Variants in LCE2B observed in about 807,000 individuals in gnomAD.
The protein encoded by LCE2B is late cornified envelope 2B, also known as late cornified envelope protein 2B.
For synonymous variants in LCE2B, 69 were observed against 52.0 expected (o/e 1.33, Z -1.40); for missense variants, 175 against 141.6 (o/e 1.24, Z -1.20).
chr1:152,686,890 G>A lies in LCE2B; in HGVS notation c.47G>A (p.Cys16Tyr), dbSNP rs1649151738. 1.2e-6 allele frequency: 2 copies of A among 1,614,118 alleles called. No homozygotes were observed. Among genetic ancestry groups the A allele is most frequent in the African/African-American group, 2.7e-5 (2 of 75,020 alleles). Residue 16 changes from cysteine to tyrosine, a missense_variant, in exon 2 of 2, where the codon TGT (cysteine) becomes TAT (tyrosine). Transcript: ENST00000368780. ...CAGCAGTGCCAGCCCCCTCCCAAGT[G>A]TCCTCCCAAGTGTACCCCAAAATGT... ...NQQQCQPPPK[C>Y]PPKCTPKCPP...
chr1:152,686,825 T>C lies in LCE2B; in HGVS notation c.-19T>C, dbSNP rs1349660135. 1.2e-6 allele frequency: 2 copies of C among 1,613,700 alleles called. No individual in the cohort carries two copies. The highest frequency in any genetic ancestry group is 1.7e-6 in the Non-Finnish European group (2 of 1,179,840). On this transcript the variant is annotated splice_region_variant and 5_prime_UTR_variant, in exon 2 of 2. Transcript: ENST00000368780. ...AAGAGTTTCATTATTATCTTTCAGGTTGACTAAACTCTGCCAGGATGTCTT... is the reference window on the plus strand; with the variant it reads ...AAGAGTTTCATTATTATCTTTCAGGCTGACTAAACTCTGCCAGGATGTCTT...
Position 152,687,104 on chromosome 1 carries a change from G to A in LCE2B, c.261G>A (p.Gln87=), listed in dbSNP as rs1649163535. ...RPRLFHRRRH[Q]SPDCCESEPS... is the part of the protein sequence containing the mutation. Reference sequence around the variant, plus strand: ...GTCTCTTCCACCGGCGCCGGCACCAGAGCCCCGACTGCTGTGAGAGTGAAC... The same window carrying A: ...GTCTCTTCCACCGGCGCCGGCACCAAAGCCCCGACTGCTGTGAGAGTGAAC... Residue 87 remains glutamine (Q), a synonymous_variant, in exon 2 of 2, where the codon CAG becomes CAA. Transcript: ENST00000368780. The A allele has an allele frequency of 6.2e-7, 1 of 1,613,770 alleles. No individual in the cohort carries two copies. Among genetic ancestry groups the A allele is most frequent in the South Asian group, 1.1e-5 (1 of 91,020 alleles).
chr1:152,686,688 A>G lies in LCE2B; in HGVS notation c.-20-136A>G, dbSNP rs553131864. 4.1e-6 allele frequency: 5 copies of G among 1,211,396 alleles called. No individual in the cohort carries two copies. In the African/African-American group the frequency reaches 4.6e-5, roughly 11 times the overall value. The allele number at this position is 1,211,396 out of a possible 1,614,324, so 75.0% of individuals were successfully genotyped here. A position where few individuals can be genotyped will look rare whatever the true frequency, so the allele number is the denominator to read the frequency against. On this transcript the variant is annotated intron_variant, in intron 1 of 1. Coordinates refer to ENST00000368780, the MANE Select transcript of LCE2B (RefSeq NM_014357.5). Reference sequence around the variant, plus strand: ...TGCTTTTATTTAGAGGAAAGATTCAAGTTGTTTCTTTCAGGTTACTGATGT... The same window carrying G: ...TGCTTTTATTTAGAGGAAAGATTCAGGTTGTTTCTTTCAGGTTACTGATGT...
In LCE2B at chr1:152,687,186, A is replaced by G. The variant is rs1391832608; in HGVS notation, c.*10A>G. The G allele has an allele frequency of 1.9e-6, 3 of 1,609,692 alleles. No individual in the cohort carries two copies. Among genetic ancestry groups the G allele is most frequent in the Admixed American group, 1.7e-5 (1 of 59,288 alleles). On this transcript the variant is annotated 3_prime_UTR_variant, in exon 2 of 2. Coordinates refer to ENST00000368780, the MANE Select transcript of LCE2B (RefSeq NM_014357.5). Reference sequence around the variant, plus strand: ...TGGGGGCTGCTGCTGACCTGGGCTAAGAAGAACTCTTTGGACAGAATGTTT... The same window carrying G: ...TGGGGGCTGCTGCTGACCTGGGCTAGGAAGAACTCTTTGGACAGAATGTTT...
chr1:152,686,972 A>C lies in LCE2B; in HGVS notation c.129A>C (p.Ala43=), dbSNP rs1337796610. The C allele has an allele frequency of 6.2e-7, 1 of 1,612,184 alleles. No homozygotes were observed. Among genetic ancestry groups the C allele is most frequent in the East Asian group, 2.2e-5 (1 of 44,850 alleles). ...AGTGCCCAGCTCCATGTTCCCCTGC[A>C]GTCTCTTCTTGCTGTGGTCCCATCT... ...LPQCPAPCSP[A]VSSCCGPISG... The change falls in exon 2 of 2, where the codon GCA becomes GCC. Residue 43 remains alanine (A), a synonymous_variant. Coordinates refer to ENST00000368780, the MANE Select transcript of LCE2B (RefSeq NM_014357.5).
At chr1:152,686,564 G>A (rs1308967873) in intron 1 of LCE2B, among the ~76,000 whole-genome samples, 1 of 151,988 alleles carries the variant, frequency 6.6e-6, no homozygotes, top group African/African-American at 2.4e-5. Flanking sequence ...GTACTTCATG[G>A]AGTGTGAATA....
intron 1 of LCE2B, 105 bp from the exon 2 acceptor site, chr1:152,686,719 T>C (rs1649144268): frequency 2.1e-6 from 3 of 1,411,026 alleles, no homozygotes; most frequent in Non-Finnish European, 2.9e-6. Flanking sequence ...GATGTGACTG[T>C]ATGATCTAAA....
chr1:152,686,988 G>A lies in LCE2B; in HGVS notation c.145G>A (p.Gly49Ser), dbSNP rs1468675264. ...TTCCCCTGCAGTCTCTTCTTGCTGT[G>A]GTCCCATCTCTGGGGGCTGCTGTGG... ...PCSPAVSSCC[G>S]PISGGCCGPS... The change falls in exon 2 of 2, where the codon GGT (glycine) becomes AGT (serine). Residue 49 changes from glycine to serine, a missense_variant. Physicochemically the swap from Gly to Ser is moderately conservative, Grantham distance 56. Transcript: ENST00000368780. 1.9e-6 allele frequency: 3 copies of A among 1,612,892 alleles called. No homozygotes were observed. The highest frequency in any genetic ancestry group is 3.3e-5 in the Admixed American group (2 of 59,952).
Position 152,687,304 on chromosome 1 carries a change from C to T in LCE2B, c.*128C>T. ...GACCACAAAGACTCATGGGGCTTCC[C>T]TGGGAGAACTTTGCACTTGATGGAG... On this transcript the variant is annotated 3_prime_UTR_variant, in exon 2 of 2. Transcript: ENST00000368780. 1.5e-6 allele frequency: 2 copies of T among 1,373,890 alleles called. No homozygotes were observed. The highest frequency in any genetic ancestry group is 1.5e-5 in the South Asian group (1 of 65,246). 85.1% of individuals were successfully genotyped at this position (1,373,890 alleles called of 1,614,324 possible).
At position 152,687,182 on chromosome 1, in the gene LCE2B, G is replaced by T; in HGVS notation, c.*6G>T. The T allele has an allele frequency of 6.2e-7, 1 of 1,611,216 alleles. No individual in the cohort carries two copies. Among genetic ancestry groups the T allele is most frequent in the Non-Finnish European group, 8.5e-7 (1 of 1,178,736 alleles). On this transcript the variant is annotated 3_prime_UTR_variant, in exon 2 of 2. Coordinates refer to ENST00000368780, the MANE Select transcript of LCE2B (RefSeq NM_014357.5). ...GCTCTGGGGGCTGCTGCTGACCTGG[G>T]CTAAGAAGAACTCTTTGGACAGAAT...
chr1:152,686,819 T>G lies in LCE2B; in HGVS notation c.-20-5T>G. On this transcript the variant is annotated splice_polypyrimidine_tract_variant and splice_region_variant and intron_variant, in intron 1 of 1. Transcript: ENST00000368780. ...TATTTAAAGAGTTTCATTATTATCTTTCAGGTTGACTAAACTCTGCCAGGA... is the reference window on the plus strand; with the variant it reads ...TATTTAAAGAGTTTCATTATTATCTGTCAGGTTGACTAAACTCTGCCAGGA... The G allele has an allele frequency of 1.9e-6, 3 of 1,613,376 alleles. No individual in the cohort carries two copies. Among genetic ancestry groups the G allele is most frequent in the Non-Finnish European group, 2.5e-6 (3 of 1,179,628 alleles).
Position 152,686,831 on chromosome 1 carries a change from A to G in LCE2B, c.-13A>G. The G allele has an allele frequency of 1.2e-6, 2 of 1,613,986 alleles. No homozygotes were observed. Among genetic ancestry groups the G allele is most frequent in the Non-Finnish European group, 1.7e-6 (2 of 1,179,944 alleles). ...TTCATTATTATCTTTCAGGTTGACTAAACTCTGCCAGGATGTCTTGCCAGC... is the reference window on the plus strand; with the variant it reads ...TTCATTATTATCTTTCAGGTTGACTGAACTCTGCCAGGATGTCTTGCCAGC... On this transcript the variant is annotated 5_prime_UTR_variant, in exon 2 of 2. Coordinates refer to ENST00000368780, the MANE Select transcript of LCE2B (RefSeq NM_014357.5).
intron 1 of LCE2B, among the ~76,000 whole-genome samples, chr1:152,686,539 G>C (rs949432475): frequency 6.6e-6 from 1 of 152,000 alleles, no homozygotes; most frequent in African/African-American, 2.4e-5. Context: ...CTTAGGGCTT[G>C]TATTAAGGGA....
chr1:152,686,790 G>T (rs3737860), intron 1 of LCE2B, 34 bp from the exon 2 acceptor site: 170,246 of 1,597,306 alleles, frequency 0.11, 12,041 homozygotes, highest in African/African-American at 0.31. Flanking sequence ...TCCTTGGTTT[G>T]AAATATTTAA....
At chr1:152,686,388 A>AACTTCAAAACTGCTGTGTTGGGC (rs1649132247) in intron 1 of LCE2B, among the ~76,000 whole-genome samples, 1 of 152,146 alleles carries the variant, frequency 6.6e-6, no homozygotes, top group Non-Finnish European at 1.5e-5. Flanking sequence ...TCATGTTGGT[A>AACTTCAAAACTGCTGTGTTGGGC]ACTTCAAAAC....
In LCE2B at chr1:152,687,364, C is replaced by T. The variant is rs1323956124; in HGVS notation, c.*188C>T. On this transcript the variant is annotated 3_prime_UTR_variant, in exon 2 of 2. Transcript: ENST00000368780. ...TGCAGGTTTTGTTTTCCTCCTTTAC[C>T]TCATGTTATAATAAAGCTCTGATTT... 5.2e-6 allele frequency: 4 copies of T among 762,418 alleles called. No homozygotes were observed. The highest frequency in any genetic ancestry group is 2.7e-5 in the East Asian group (1 of 36,370). The allele number at this position is 762,418 out of a possible 1,614,324, so 47.2% of individuals were successfully genotyped here.
Position 152,686,995 on chromosome 1 carries a change from T to A in LCE2B, c.152T>A (p.Ile51Asn). Residue 51 changes from isoleucine (I) to asparagine (N), a missense_variant, in exon 2 of 2, where the codon ATC (isoleucine) becomes AAC (asparagine). By Grantham distance (149) the Ile-to-Asn change is moderately radical. Transcript: ENST00000368780. Reference protein sequence around the residue: ...SPAVSSCCGPISGGCCGPSSG... With the variant: ...SPAVSSCCGPNSGGCCGPSSG... Reference sequence around the variant, plus strand: ...GCAGTCTCTTCTTGCTGTGGTCCCATCTCTGGGGGCTGCTGTGGTCCCAGC... The same window carrying A: ...GCAGTCTCTTCTTGCTGTGGTCCCAACTCTGGGGGCTGCTGTGGTCCCAGC... The A allele has an allele frequency of 6.2e-7, 1 of 1,613,708 alleles. No individual in the cohort carries two copies. Among genetic ancestry groups the A allele is most frequent in the Non-Finnish European group, 8.5e-7 (1 of 1,179,962 alleles).
rs994203389 is a variant in LCE2B, at chr1:152,687,293, A to G, written c.*117A>G. ...GGGTGGACAGCGACCACAAAGACTC[A>G]TGGGGCTTCCCTGGGAGAACTTTGC... is the stretch of plus-strand genomic sequence containing the variant. On this transcript the variant is annotated 3_prime_UTR_variant, in exon 2 of 2. Transcript: ENST00000368780. 1 of 1,434,006 alleles carries G rather than the reference A, an allele frequency of 7.0e-7. No individual in the cohort carries two copies. Among genetic ancestry groups the G allele is most frequent in the Non-Finnish European group, 9.3e-7 (1 of 1,073,674 alleles). 88.8% of individuals were successfully genotyped at this position (1,434,006 alleles called of 1,614,324 possible).
In LCE2B at chr1:152,686,943, C is replaced by A. The variant is rs750314410; in HGVS notation, c.100C>A (p.Pro34Thr). The change falls in exon 2 of 2, where the codon CCC becomes ACC. Residue 34 changes from proline to threonine, a missense_variant. Physicochemically the swap from Pro to Thr is conservative, Grantham distance 38 (BLOSUM62 -1). Coordinates refer to ENST00000368780, the MANE Select transcript of LCE2B (RefSeq NM_014357.5). ...CPPKCPPKCL[P>T]QCPAPCSPAV... ...ACCTAAGTGTCCCCCTAAATGCCTG[C>A]CCCAGTGCCCAGCTCCATGTTCCCC... is the stretch of plus-strand genomic sequence containing the variant. 1 of 1,614,158 alleles carries A rather than the reference C, an allele frequency of 6.2e-7. No homozygotes were observed. The highest frequency in any genetic ancestry group is 8.5e-7 in the Non-Finnish European group (1 of 1,180,034).
Sources: gnomAD v4.1 joint callset for allele counts (sites outside exome capture counted in the v4.1 genomes callset) on GRCh38, gnomAD v4.1.1 for gene constraint, MANE v1.5 for transcripts, NCBI Gene and HGNC (gene_info 2026-07-23, HGNC 2026-07-21) for gene names.